The following NELL2 variants were observed in gnomAD, a reference collection of about 807,000 sequenced individuals.
NELL2 encodes protein kinase C-binding protein NELL2.
Under a neutral mutation model 109.6 loss-of-function variants are expected in NELL2, and 41 were observed. That is an observed-to-expected ratio of 0.37 (90% CI 0.29 to 0.49). The LOEUF is 0.49. NELL2 is among the 20% of genes least tolerant of loss of function. The probability of loss-of-function intolerance (pLI) is 0.98; values close to 1 mark genes in which losing one functional copy is unlikely to be tolerated. For synonymous variants in NELL2, 355 were observed against 344.7 expected (o/e 1.03, Z -0.33); for missense variants, 900 against 1,008.3 (o/e 0.89, Z 1.45).
chr12:44,653,811 T>TA (rs1442491743), intron 13 of NELL2, among the ~76,000 whole-genome samples: 1 of 152,194 alleles, frequency 6.6e-6, no homozygotes, highest in Non-Finnish European at 1.5e-5. Context: ...CGTTAACACT[T>TA]AAAGTTGCAC....
intron 12 of NELL2, among the ~76,000 whole-genome samples, chr12:44,686,964 C>T (rs61932405): frequency 6.6e-6 from 1 of 152,144 alleles, no homozygotes; most frequent in Non-Finnish European, 1.5e-5. Flanking sequence ...TTCCCTGCTG[C>T]TTTGTTTACC....
At chr12:44,528,784 G>A (rs1314905220) in intron 16 of NELL2, among the ~76,000 whole-genome samples, 1 of 152,152 alleles carries the variant, frequency 6.6e-6, no homozygotes, top group African/African-American at 2.4e-5. Flanking sequence ...GAGTGTCAGA[G>A]GTGGGAGACT....
chr12:44,696,018 A>AT (rs1949053636), intron 12 of NELL2, among the ~76,000 whole-genome samples: 1 of 152,084 alleles, frequency 6.6e-6, no homozygotes, highest in Non-Finnish European at 1.5e-5. Flanking sequence ...AGTGAAAAGC[A>AT]TTTTAAATGC....
At chr12:44,910,803 C>G (rs74686812) in intron 1 of NELL2, among the ~76,000 whole-genome samples, 1 of 152,024 alleles carries the variant, frequency 6.6e-6, no homozygotes, top group African/African-American at 2.4e-5. Context: ...ATGTTCTTCG[C>G]AGCAATATGG....
At chr12:44,733,664 C>CTGTATTGT (rs200061748) in intron 9 of NELL2, among the ~76,000 whole-genome samples, 1,990 of 151,802 alleles carry the variant, frequency 0.013, 37 homozygotes, top group African/African-American at 0.041. Flanking sequence ...GTTAACAATA[C>CTGTATTGT]TGTATTGTAC....
chr12:44,687,255 T>C (rs1948752531), intron 12 of NELL2, among the ~76,000 whole-genome samples: 7 of 150,732 alleles, frequency 4.6e-5, no homozygotes, highest in Admixed American at 4.6e-4. Context: ...TGCCGCGCCC[T>C]GCTTTGGCTC....
chr12:44,602,851 G>A (rs1035995235), intron 15 of NELL2, among the ~76,000 whole-genome samples: 7 of 151,952 alleles, frequency 4.6e-5, no homozygotes, highest in African/African-American at 1.5e-4. Context: ...GTGCTAATTT[G>A]GCCATGCCAG....
intron 9 of NELL2, among the ~76,000 whole-genome samples, chr12:44,760,685 G>T (rs1399041924): frequency 6.6e-6 from 1 of 151,958 alleles, no homozygotes; most frequent in Non-Finnish European, 1.5e-5. Flanking sequence ...AGAATTATTG[G>T]TTAATTTGTT....
chr12:44,892,130 T>C (rs1945541406), intron 1 of NELL2, among the ~76,000 whole-genome samples: 1 of 152,200 alleles, frequency 6.6e-6, no homozygotes, highest in Admixed American at 6.5e-5. Flanking sequence ...GGGAGTAGAA[T>C]TTCCTTACAT....
chr12:44,651,239 G>T (rs1327878456), intron 13 of NELL2, among the ~76,000 whole-genome samples: 1 of 152,160 alleles, frequency 6.6e-6, no homozygotes, highest in African/African-American at 2.4e-5. Flanking sequence ...AAAAGATTGG[G>T]GATCACTGGT....
chr12:44,600,572 G>A (rs986073369), intron 15 of NELL2, among the ~76,000 whole-genome samples: 3 of 152,218 alleles, frequency 2.0e-5, no homozygotes, highest in African/African-American at 7.2e-5. Context: ...ATTTATGAAT[G>A]AGAAAATTGC....
At chr12:44,695,829 A>G (rs113640519) in intron 12 of NELL2, among the ~76,000 whole-genome samples, 9,438 of 152,188 alleles carry the variant, frequency 0.062, 967 homozygotes, top group African/African-American at 0.21. Context: ...AAAAAATAAA[A>G]ATAAATTAGC....
intron 5 of NELL2, 31 bp from the exon 6 acceptor site, chr12:44,777,345 A>G: frequency 6.4e-7 from 1 of 1,566,198 alleles, no homozygotes; most frequent in East Asian, 2.2e-5. Flanking sequence ...AAAAAGACAT[A>G]TTACTTTCAT....
At chr12:44,906,208 C>T (rs1039617540) in intron 1 of NELL2, among the ~76,000 whole-genome samples, 2 of 151,892 alleles carry the variant, frequency 1.3e-5, no homozygotes, top group Non-Finnish European at 2.9e-5. Flanking sequence ...ATGTTCCAGG[C>T]AAACCTGAGA....
intron 5 of NELL2, among the ~76,000 whole-genome samples, chr12:44,778,253 G>A (rs959087291): frequency 6.6e-6 from 1 of 152,088 alleles, no homozygotes; most frequent in Non-Finnish European, 1.5e-5. Context: ...TGGTCTCTAT[G>A]TCTTGTACAT....
intron 1 of NELL2, among the ~76,000 whole-genome samples, chr12:44,881,432 G>A (rs1371010598): frequency 6.6e-6 from 1 of 151,814 alleles, no homozygotes; most frequent in Non-Finnish European, 1.5e-5. Flanking sequence ...AAGATATAGA[G>A]AAGAACCAAG....
intron 15 of NELL2, among the ~76,000 whole-genome samples, chr12:44,555,079 T>C (rs745967373): frequency 6.6e-6 from 1 of 152,176 alleles, no homozygotes; most frequent in Non-Finnish European, 1.5e-5. Flanking sequence ...TCTTCGTAGA[T>C]GATGCTGACA....
chr12:44,548,250 T>C (rs1942883607), intron 15 of NELL2, among the ~76,000 whole-genome samples: 1 of 152,222 alleles, frequency 6.6e-6, no homozygotes, highest in Non-Finnish European at 1.5e-5. Context: ...ATTGTATTTC[T>C]TCAAAGGAAA....
At chr12:44,818,857 C>T (rs1222978082) in intron 2 of NELL2, among the ~76,000 whole-genome samples, 1 of 149,924 alleles carries the variant, frequency 6.7e-6, no homozygotes, top group Non-Finnish European at 1.5e-5. Context: ...ATTCTCCTGC[C>T]TCAGCCTCCC....
Sources: allele counts gnomAD v4.1 joint callset (sites outside exome capture counted in the v4.1 genomes callset), GRCh38; gene constraint gnomAD v4.1.1; transcripts MANE v1.5; gene names NCBI Gene and HGNC (gene_info 2026-07-23, HGNC 2026-07-21).